ARL6IP6: variants seen among roughly 807,000 people sequenced by gnomAD.
ARL6IP6 encodes the protein ADP-ribosylation factor-like protein 6-interacting protein 6.
In ARL6IP6, 22 loss-of-function variants were observed where a neutral mutation model predicts 21.5. The ratio of observed to expected loss-of-function variants is 1.02; its 90% confidence interval spans 0.73 to 1.46. The LOEUF is 1.46. Among genes scored for constraint, ARL6IP6 ranks in the 40% most tolerant of loss-of-function variants. The pLI, the probability that ARL6IP6 is intolerant of heterozygous loss-of-function variation, is 0.00. For missense variants in ARL6IP6, 388 were observed against 299.8 expected, an observed-to-expected ratio of 1.29 and a Z score of -2.17; for synonymous variants, 164 against 125.3, an observed-to-expected ratio of 1.31 and a Z score of -2.06.
At chr2:152,755,280 T>G (rs1475917887) in intron 3 of ARL6IP6, among the ~76,000 whole-genome samples, 3 of 152,176 alleles carry the variant, frequency 2.0e-5, no homozygotes, top group African/African-American at 7.2e-5. Flanking sequence ...AAACACCTGC[T>G]ACTTAGCAGA....
At chr2:152,753,937 G>A (rs1412380327) in intron 3 of ARL6IP6, among the ~76,000 whole-genome samples, 1 of 151,758 alleles carries the variant, frequency 6.6e-6, no homozygotes, top group African/African-American at 2.4e-5. Context: ...TCCTGACCTT[G>A]TGGTCCACCC....
At chr2:152,759,159 T>A (rs947302068) in intron 3 of ARL6IP6, among the ~76,000 whole-genome samples, 6 of 152,190 alleles carry the variant, frequency 3.9e-5, no homozygotes, top group Admixed American at 2.6e-4. Flanking sequence ...ATTAAACTAG[T>A]TGGCACTCCT....
At chr2:152,737,719 G>A (rs981243479) in intron 3 of ARL6IP6, among the ~76,000 whole-genome samples, 7 of 152,092 alleles carry the variant, frequency 4.6e-5, no homozygotes, top group African/African-American at 1.7e-4. Context: ...AGCAGCATGG[G>A]GGTAACCACC....
Position 152,719,038 on chromosome 2 carries a change from C to T in ARL6IP6, c.400+14C>T, listed in dbSNP as rs1263529702. On this transcript the variant is annotated intron_variant, in intron 1 of 3. Coordinates refer to ENST00000326446, the MANE Select transcript of ARL6IP6 (RefSeq NM_152522.7). ...TGATCGTTAAAGGTATTGAAGCCGA[C>T]GCCTTGAAAGTCTGTCCAGAGTAAA... The T allele has an allele frequency of 5.9e-6, 9 of 1,523,270 alleles. No homozygotes were observed. Among genetic ancestry groups the T allele is most frequent in the Non-Finnish European group, 7.9e-6 (9 of 1,135,614 alleles). 94.4% of individuals were successfully genotyped at this position (1,523,270 alleles called of 1,614,324 possible).
intron 3 of ARL6IP6, among the ~76,000 whole-genome samples, chr2:152,754,074 G>A (rs1701466470): frequency 1.3e-5 from 2 of 151,400 alleles, no homozygotes; most frequent in Non-Finnish European, 2.9e-5. Context: ...ATTTACATAG[G>A]ATAAAACTTT....
rs776502582 is a variant in ARL6IP6, at chr2:152,718,788, T to C, written c.164T>C (p.Leu55Pro). Residue 55 changes from leucine to proline, a missense_variant, in exon 1 of 4, where the codon CTG (leucine) becomes CCG (proline). Leu to Pro is a moderately conservative substitution (Grantham distance 98). Coordinates refer to ENST00000326446, the MANE Select transcript of ARL6IP6 (RefSeq NM_152522.7). ...EEGCDQVARD[L>P]RAEFSAGAWS... is the part of the protein sequence containing the mutation. ...GGATGCGACCAAGTGGCCCGCGACC[T>C]GCGGGCGGAGTTCTCGGCTGGGGCG... 1 of 1,606,324 alleles carries C rather than the reference T, an allele frequency of 6.2e-7. No individual in the cohort carries two copies. The highest frequency in any genetic ancestry group is 2.2e-5 in the East Asian group (1 of 44,600).
chr2:152,723,069 C>G (rs763085128), intron 2 of ARL6IP6, among the ~76,000 whole-genome samples: 1 of 152,174 alleles, frequency 6.6e-6, no homozygotes. Context: ...TAATTGATAG[C>G]TGAAAAGGTA....
At chr2:152,748,627 G>C (rs566150333) in intron 3 of ARL6IP6, among the ~76,000 whole-genome samples, 1 of 152,338 alleles carries the variant, frequency 6.6e-6, no homozygotes, top group East Asian at 1.9e-4. Context: ...CGAATAGCCA[G>C]TTGGGTCTTA....
chr2:152,718,942 C>G lies in ARL6IP6; in HGVS notation c.318C>G (p.Val106=), dbSNP rs1273660632. 1.7e-5 allele frequency: 27 copies of G among 1,613,470 alleles called. No homozygotes were observed. Among genetic ancestry groups the G allele is most frequent in the South Asian group, 2.2e-5 (2 of 90,938 alleles). Residue 106 remains valine (V), a synonymous_variant, in exon 1 of 4, where the codon GTC becomes GTG. Transcript: ENST00000326446. ...GAGCCCAGCCTCGGCGGTGGCCGGT[C>G]CAGGTCCTCTCTATTCTCTGCTCGC... ...GSRAQPRRWP[V]QVLSILCSLL...
chr2:152,754,513 A>G (rs1291707282), intron 3 of ARL6IP6, among the ~76,000 whole-genome samples: 1 of 152,184 alleles, frequency 6.6e-6, no homozygotes, highest in East Asian at 1.9e-4. Context: ...ATTAGGAATA[A>G]TGTTGCTATG....
At chr2:152,734,075 T>G (rs1249759184) in intron 2 of ARL6IP6, among the ~76,000 whole-genome samples, 2 of 152,184 alleles carry the variant, frequency 1.3e-5, no homozygotes, top group South Asian at 2.1e-4. Flanking sequence ...CAAGAAGAAG[T>G]CATTATCCTT....
At chr2:152,755,561 G>A (rs186826635) in intron 3 of ARL6IP6, among the ~76,000 whole-genome samples, 51 of 152,282 alleles carry the variant, frequency 3.3e-4, no homozygotes, top group African/African-American at 1.2e-3. Context: ...ACATAAGCCT[G>A]TCTCTCTCTC....
At chr2:152,720,946 G>A (rs1366329068) in intron 2 of ARL6IP6, among the ~76,000 whole-genome samples, 1 of 152,064 alleles carries the variant, frequency 6.6e-6, no homozygotes, top group African/African-American at 2.4e-5. Context: ...AACAGAATTA[G>A]CCAGGCATGG....
At chr2:152,759,248 A>G (rs1314253406) in intron 3 of ARL6IP6, among the ~76,000 whole-genome samples, 1 of 152,198 alleles carries the variant, frequency 6.6e-6, no homozygotes, top group Non-Finnish European at 1.5e-5. Flanking sequence ...ACCTATTAGA[A>G]TGATAGCTGA....
chr2:152,718,639 G>A lies in ARL6IP6; in HGVS notation c.15G>A (p.Glu5=), dbSNP rs1699394901. 6.5e-7 allele frequency: 1 copy of A among 1,543,054 alleles called. No homozygotes were observed. The highest frequency in any genetic ancestry group is 8.7e-7 in the Non-Finnish European group (1 of 1,143,748). ...TGTTTCGCGCCATGTCGTTTGCTGA[G>A]AGCGGGTGGCGGTCGGCTCTGCGGC... MSFA[E]SGWRSALRRR... Residue 5 remains glutamate (E), a synonymous_variant, in exon 1 of 4, where the codon GAG becomes GAA. Coordinates refer to ENST00000326446, the MANE Select transcript of ARL6IP6 (RefSeq NM_152522.7).
intron 2 of ARL6IP6, among the ~76,000 whole-genome samples, chr2:152,724,626 T>C (rs1477257286): frequency 1.3e-5 from 2 of 152,120 alleles, no homozygotes; most frequent in Non-Finnish European, 1.5e-5. Flanking sequence ...ATAAATTGAG[T>C]TGACATTGTG....
chr2:152,724,470 G>A (rs1699941706), intron 2 of ARL6IP6, among the ~76,000 whole-genome samples: 1 of 152,144 alleles, frequency 6.6e-6, no homozygotes, highest in African/African-American at 2.4e-5. Context: ...AGATAGTCTA[G>A]GTAGTATAGC....
At chr2:152,753,524 G>T (rs1701433952) in intron 3 of ARL6IP6, among the ~76,000 whole-genome samples, 1 of 151,280 alleles carries the variant, frequency 6.6e-6, no homozygotes, top group South Asian at 2.1e-4. Context: ...CACATTTATT[G>T]TATCAGTTGA....
At chr2:152,718,173 G>T, upstream of ARL6IP6, 1 of 619,226 alleles carries the variant, frequency 1.6e-6, no homozygotes, top group Non-Finnish European at 2.0e-6. Context: ...GCGTAGTGGG[G>T]AAGAAGGGAG....
Sources: gnomAD v4.1 joint callset for allele counts (sites outside exome capture counted in the v4.1 genomes callset) on GRCh38, gnomAD v4.1.1 for gene constraint, MANE v1.5 for transcripts, NCBI Gene and HGNC (gene_info 2026-07-23, HGNC 2026-07-21) for gene names.